POU2F3: variants seen among roughly 807,000 people sequenced by gnomAD.
POU2F3 encodes POU domain, class 2, transcription factor 3.
Under a neutral mutation model 59.2 loss-of-function variants are expected in POU2F3, and 23 were observed. That is an observed-to-expected ratio of 0.39 (90% CI 0.28 to 0.55). The LOEUF is 0.55. POU2F3 is among the 20% of genes least tolerant of loss of function. The pLI is 0.66. For missense variants in POU2F3, 473 were observed against 544.5 expected, an observed-to-expected ratio of 0.87 and a Z score of 1.31; for synonymous variants, 190 against 214.6, an observed-to-expected ratio of 0.89 and a Z score of 1.00.
chr11:120,316,548 C>T (rs181785429), intron 11 of POU2F3, among the ~76,000 whole-genome samples: 1 of 152,352 alleles, frequency 6.6e-6, no homozygotes, highest in Non-Finnish European at 1.5e-5. Context: ...ACCTCAGCCT[C>T]CTGAGTAGCT....
At chr11:120,248,937 A>G (rs1251099208) in intron 2 of POU2F3, among the ~76,000 whole-genome samples, 1 of 152,176 alleles carries the variant, frequency 6.6e-6, no homozygotes, top group African/African-American at 2.4e-5. Context: ...TCTGGGTTTT[A>G]AAGGAACTAT....
Position 120,305,200 on chromosome 11 carries a change from G to T in POU2F3, c.615G>T (p.Leu205=). ...CCTTCAAGCAGAGGCGCATTAAGCT[G>T]GGCTTCACACAGGTTTGGTTTTAGG... ...AKTFKQRRIK[L]GFTQGDVGLA... The change falls in exon 7 of 13, where the codon CTG becomes CTT. Residue 205 remains leucine (L), a synonymous_variant. Transcript: ENST00000543440. 6.2e-7 allele frequency: 1 copy of T among 1,613,696 alleles called. No homozygotes were observed.
intron 3 of POU2F3, among the ~76,000 whole-genome samples, chr11:120,277,335 A>T (rs2135221485): frequency 6.6e-6 from 1 of 152,182 alleles, no homozygotes; most frequent in South Asian, 2.1e-4. Flanking sequence ...CCTCCTAGTC[A>T]ACAGGCAGAT....
chr11:120,310,196 A>G (rs980362240), intron 10 of POU2F3, among the ~76,000 whole-genome samples: 1 of 152,202 alleles, frequency 6.6e-6, no homozygotes. Flanking sequence ...GGCTTGGCCC[A>G]GGGTGGTAGC....
intron 2 of POU2F3, among the ~76,000 whole-genome samples, chr11:120,263,183 C>T (rs766182117): frequency 1.3e-5 from 2 of 151,782 alleles, no homozygotes; most frequent in Admixed American, 6.6e-5. Context: ...GTAGAGACGT[C>T]GTTTCACCAT....
chr11:120,302,456 AG>A, intron 6 of POU2F3, 88 bp downstream of exon 6: 1 of 1,285,770 alleles, frequency 7.8e-7, no homozygotes, highest in Non-Finnish European at 1.1e-6. Context: ...CCCCTTTAAC[AG>A]GGCACTAACC....
At chr11:120,246,597 T>G in intron 2 of POU2F3, 80 bp downstream of exon 2, 2 of 1,480,464 alleles carry the variant, frequency 1.4e-6, no homozygotes, top group Non-Finnish European at 1.9e-6. Context: ...TGGTGTCTCT[T>G]CTTGCTTGGT....
chr11:120,292,051 A>C (rs2135265147), intron 3 of POU2F3, among the ~76,000 whole-genome samples: 1 of 152,206 alleles, frequency 6.6e-6, no homozygotes, highest in East Asian at 1.9e-4. Flanking sequence ...CTCGTGATCC[A>C]CCAACCTCAG....
At chr11:120,262,975 ATTT>A (rs1939665482) in intron 2 of POU2F3, among the ~76,000 whole-genome samples, 1 of 103,470 alleles carries the variant, frequency 9.7e-6, no homozygotes, top group South Asian at 5.4e-4. Context: ...TTATTTATTT[ATTT>A]ATTTATTTAT....
chr11:120,278,069 T>C (rs1261233253), intron 3 of POU2F3, among the ~76,000 whole-genome samples: 2 of 152,288 alleles, frequency 1.3e-5, no homozygotes, highest in East Asian at 3.9e-4. Context: ...ACTTCCTCAA[T>C]TAACACAGAA....
upstream of POU2F3, chr11:120,240,100 G>A: frequency 3.5e-6 from 4 of 1,141,596 alleles, no homozygotes; most frequent in Non-Finnish European, 4.3e-6. Flanking sequence ...CAGGGGGCGT[G>A]GCCGGCGGCC....
At chr11:120,264,233 A>ACACACACACAC (rs1939730065) in intron 2 of POU2F3, among the ~76,000 whole-genome samples, 1 of 146,788 alleles carries the variant, frequency 6.8e-6, no homozygotes, top group African/African-American at 2.5e-5. Flanking sequence ...ACACACACAC[A>ACACACACACAC]ATTAGCTGAG....
At chr11:120,274,700 T>G (rs891437910) in intron 3 of POU2F3, among the ~76,000 whole-genome samples, 3 of 152,118 alleles carry the variant, frequency 2.0e-5, no homozygotes, top group Non-Finnish European at 4.4e-5. Flanking sequence ...AAGATGCATA[T>G]TGGGGAGTTG....
At position 120,269,626 on chromosome 11, in the gene POU2F3, T is replaced by C. The variant is rs537836680; in HGVS notation, c.132+382T>C. ...ATGCAGCCACAAAGGATGAGGTGCCTGGGTTGCCACAGAGAATTCCTGATT... is the reference window on the plus strand; with the variant it reads ...ATGCAGCCACAAAGGATGAGGTGCCCGGGTTGCCACAGAGAATTCCTGATT... On this transcript the variant is annotated intron_variant, in intron 3 of 12. Coordinates refer to ENST00000543440, the MANE Select transcript of POU2F3 (RefSeq NM_014352.4). Among the ~76,000 whole-genome samples, 3 of 152,244 alleles carry C rather than the reference T, an allele frequency of 2.0e-5. No homozygotes were observed. In the East Asian group the frequency reaches 5.8e-4, roughly 29 times the overall value.
chr11:120,260,234 C>A (rs1157095558), intron 2 of POU2F3, among the ~76,000 whole-genome samples: 4 of 152,260 alleles, frequency 2.6e-5, no homozygotes, highest in Non-Finnish European at 4.4e-5. Context: ...GGCAAACTCA[C>A]ATCCCAGGGC....
intron 3 of POU2F3, among the ~76,000 whole-genome samples, chr11:120,288,144 A>AC (rs1940873389): frequency 6.7e-6 from 1 of 149,502 alleles, no homozygotes; most frequent in East Asian, 1.9e-4. Context: ...AAAAAAAAAA[A>AC]AAAACAAGAA....
intron 3 of POU2F3, among the ~76,000 whole-genome samples, chr11:120,274,364 T>C (rs540343035): frequency 1.3e-5 from 2 of 152,340 alleles, no homozygotes; most frequent in South Asian, 4.1e-4. Context: ...ATCTTGAACA[T>C]ATACACTGTA....
chr11:120,274,119 G>GGAAGGAAA (rs1940219454), intron 3 of POU2F3, among the ~76,000 whole-genome samples: 1 of 107,606 alleles, frequency 9.3e-6, no homozygotes, highest in African/African-American at 3.4e-5. Flanking sequence ...AAGGAAGGAA[G>GGAAGGAAA]GAAGGAAGGA....
At chr11:120,304,638 AC>A (rs1941434101) in intron 6 of POU2F3, among the ~76,000 whole-genome samples, 1 of 152,080 alleles carries the variant, frequency 6.6e-6, no homozygotes, top group African/African-American at 2.4e-5. Context: ...AAAGCAAGCA[AC>A]CTTTTCTTTG....
Sources: allele counts gnomAD v4.1 joint callset (sites outside exome capture counted in the v4.1 genomes callset), GRCh38; gene constraint gnomAD v4.1.1; transcripts MANE v1.5; gene names NCBI Gene and HGNC (gene_info 2026-07-23, HGNC 2026-07-21).